The following RPS6KA2 variants were observed in gnomAD, a reference collection of about 807,000 sequenced individuals.
RPS6KA2 encodes the protein ribosomal protein S6 kinase A2, also known as ribosomal protein S6 kinase alpha-2.
Under a neutral mutation model 91.8 loss-of-function variants are expected in RPS6KA2, and 42 were observed. The observed-to-expected ratio is 0.46, with a 90% CI of 0.36 to 0.59. The LOEUF (loss-of-function observed/expected upper bound fraction) is 0.59. RPS6KA2 is among the 20% of genes least tolerant of loss of function. RPS6KA2 has a pLI of 0.00. For missense variants in RPS6KA2, 798 were observed against 978.5 expected (o/e 0.82, Z 2.46); for synonymous variants, 414 against 393.6 (o/e 1.05, Z -0.61).
intron 2 of RPS6KA2, among the ~76,000 whole-genome samples, chr6:166,718,770 G>A (rs913524356): frequency 1.3e-5 from 2 of 152,090 alleles, no homozygotes; most frequent in African/African-American, 2.4e-5. Context: ...CTTTCAGATC[G>A]GTTATGTCTC....
intron 1 of RPS6KA2, among the ~76,000 whole-genome samples, chr6:166,555,930 G>A (rs1784165247): frequency 6.6e-6 from 1 of 152,192 alleles, no homozygotes; most frequent in Non-Finnish European, 1.5e-5. Context: ...GGGTGGAGGT[G>A]ATGGGGAATC....
In RPS6KA2 at chr6:166,437,453, G is replaced by A. The variant is rs1688006013; in HGVS notation, c.1333-4963C>T. Among the ~76,000 whole-genome samples the A allele has an allele frequency of 6.6e-6, 1 of 152,208 alleles. No individual in the cohort carries two copies. The highest frequency in any genetic ancestry group is 1.5e-5 in the Non-Finnish European group (1 of 68,044). ...ATAATGCTGACGCGCCACGGAGTAG[G>A]AGTGGTGTCGTGGGGCGGGGGACAA... is the stretch of plus-strand genomic sequence containing the variant. On this transcript the variant is annotated intron_variant, in intron 14 of 20. Coordinates refer to ENST00000265678, the MANE Select transcript of RPS6KA2 (RefSeq NM_021135.6). The surrounding 1 kb of genome is among the most constrained non-coding windows in gnomAD (Gnocchi z 4.3).
chr6:166,619,623 C>T (rs1051340001), intron 1 of RPS6KA2, among the ~76,000 whole-genome samples: 5 of 152,260 alleles, frequency 3.3e-5, no homozygotes, highest in African/African-American at 1.2e-4. Context: ...CCTGGGCTTC[C>T]TGCCTCCTCC....
At chr6:166,558,064 G>T (rs535529808) in intron 1 of RPS6KA2, among the ~76,000 whole-genome samples, 1 of 151,780 alleles carries the variant, frequency 6.6e-6, no homozygotes, top group Non-Finnish European at 1.5e-5. Flanking sequence ...CTATAGATTT[G>T]TATGTGTATA....
chr6:166,818,054 A>G (rs1361777204), intron 2 of RPS6KA2, among the ~76,000 whole-genome samples: 1 of 152,090 alleles, frequency 6.6e-6, no homozygotes, highest in Non-Finnish European at 1.5e-5. Context: ...ACTTGCAGAT[A>G]TATTGACATT....
chr6:166,510,710 C>CT, intron 3 of RPS6KA2, among the ~76,000 whole-genome samples: 1 of 150,628 alleles, frequency 6.6e-6, no homozygotes, highest in South Asian at 2.1e-4. Context: ...CTTAGCATAA[C>CT]TTTAACACCT....
At chr6:166,458,661 G>T (rs903204159) in intron 12 of RPS6KA2, among the ~76,000 whole-genome samples, 1 of 152,152 alleles carries the variant, frequency 6.6e-6, no homozygotes, top group Admixed American at 6.5e-5. Flanking sequence ...CAGAAGAAAG[G>T]CCACGTGGGG....
chr6:166,576,929 G>A lies in RPS6KA2; in HGVS notation c.100-38145C>T, dbSNP rs1283262863. 2.0e-5 allele frequency among the ~76,000 whole-genome samples: 3 copies of A among 151,032 alleles called. No homozygotes were observed. In the Admixed American group the frequency reaches 2.0e-4, roughly 10 times the overall value. The stretch of plus-strand genomic sequence containing the variant: ...TAGGAGAAAATGGTTTCCTGGGCTG[G>A]GTCCAGGGTCCCAGAGCTGTGTGCA... On this transcript the variant is annotated intron_variant, in intron 1 of 20. Coordinates refer to ENST00000265678, the MANE Select transcript of RPS6KA2 (RefSeq NM_021135.6).
rs574656961 is a variant in RPS6KA2, at chr6:166,445,245, T to G, written c.1332+3479A>C. Among the ~76,000 whole-genome samples the G allele has an allele frequency of 1.5e-4, 22 of 151,332 alleles. No individual in the cohort carries two copies. The South Asian group carries it at 4.5e-3, about 31-fold the overall frequency. ...TCACAGTGGGGTGGGGGTGGGGGGC[T>G]GCCCGCAGCACGTGGGGAACACTGA... On this transcript the variant is annotated intron_variant, in intron 14 of 20. Coordinates refer to ENST00000265678, the MANE Select transcript of RPS6KA2 (RefSeq NM_021135.6). The surrounding 1 kb of genome is among the most constrained non-coding windows in gnomAD (Gnocchi z 4.5).
At chr6:166,627,458 G>T, upstream of RPS6KA2, 1 of 129,814 alleles carries the variant, frequency 7.7e-6, no homozygotes, top group Non-Finnish European at 1.6e-5. Context: ...GGAGAGCCCC[G>T]CCTCTGCCGA....
intron 10 of RPS6KA2, among the ~76,000 whole-genome samples, chr6:166,471,055 C>A (rs1338309911): frequency 2.0e-5 from 3 of 152,166 alleles, no homozygotes; most frequent in Non-Finnish European, 4.4e-5. Context: ...GGGCCCGGCT[C>A]CCCTGTTCTG....
At chr6:166,513,587 G>C in intron 3 of RPS6KA2, among the ~76,000 whole-genome samples, 1 of 152,192 alleles carries the variant, frequency 6.6e-6, no homozygotes. Flanking sequence ...CGCTCCACTG[G>C]GTGAAGGCCT....
rs75110206 is a variant in RPS6KA2, at chr6:166,448,377, C to T, written c.1332+347G>A. On this transcript the variant is annotated intron_variant, in intron 14 of 20. Coordinates refer to ENST00000265678, the MANE Select transcript of RPS6KA2 (RefSeq NM_021135.6). The surrounding 1 kb of genome is among the most constrained non-coding windows in gnomAD (Gnocchi z 4.7). ...AGCTACGAAAGGTGCTCAGTCCCTG[C>T]GTGGTACATATGACTGAAAATATTC... 0.015 allele frequency among the ~76,000 whole-genome samples: 2,223 copies of T among 152,270 alleles called. 52 individuals carry two copies. The highest frequency in any genetic ancestry group is 0.051 in the African/African-American group (2,111 of 41,540).
At chr6:166,566,480 G>A (rs1246255600) in intron 1 of RPS6KA2, among the ~76,000 whole-genome samples, 2 of 152,224 alleles carry the variant, frequency 1.3e-5, no homozygotes, top group Non-Finnish European at 2.9e-5. Context: ...ATCACCAGAG[G>A]TTCTGTCTCC....
Position 166,627,235 on chromosome 6 carries a change from C to A in RPS6KA2, c.-216G>T. 1 of 1,021,948 alleles carries A rather than the reference C, an allele frequency of 9.8e-7. No individual in the cohort carries two copies. Among genetic ancestry groups the A allele is most frequent in the Non-Finnish European group, 1.2e-6 (1 of 854,588 alleles). The allele number at this position is 1,021,948 out of a possible 1,614,324, so 63.3% of individuals were successfully genotyped here. On this transcript the variant is annotated 5_prime_UTR_variant, in exon 1 of 21. Coordinates refer to ENST00000265678, the MANE Select transcript of RPS6KA2 (RefSeq NM_021135.6). Reference sequence around the variant, plus strand: ...ACAATCGCTCCCTCCGCCTCCTTCTCCGCCTCCCCTGCGAGTACCAGCGCC... The same window carrying A: ...ACAATCGCTCCCTCCGCCTCCTTCTACGCCTCCCCTGCGAGTACCAGCGCC...
intron 2 of RPS6KA2, among the ~76,000 whole-genome samples, chr6:166,637,024 T>G (rs1299724060): frequency 6.6e-6 from 1 of 152,122 alleles, no homozygotes; most frequent in African/African-American, 2.4e-5. Context: ...TTCGGCAGCA[T>G]CTGTGCTGAG....
chr6:166,463,307 A>G (rs1583167521), intron 11 of RPS6KA2: 1 of 152,244 alleles, frequency 6.6e-6, no homozygotes, highest in African/African-American at 2.4e-5. Flanking sequence ...GTGAAACAGC[A>G]GCAGCATCTC....
intron 2 of RPS6KA2, among the ~76,000 whole-genome samples, chr6:166,814,181 A>T (rs1476445229): frequency 1.3e-5 from 2 of 152,322 alleles, no homozygotes; most frequent in South Asian, 4.1e-4. Context: ...GTATGTTTCA[A>T]AAAAATTGTC....
At chr6:166,688,787 A>G (rs556367837) in intron 2 of RPS6KA2, among the ~76,000 whole-genome samples, 1 of 152,338 alleles carries the variant, frequency 6.6e-6, no homozygotes, top group African/African-American at 2.4e-5. Flanking sequence ...CCCTCTTTCC[A>G]CACCTTCATG....
Sources: gnomAD v4.1 joint callset for allele counts (sites outside exome capture counted in the v4.1 genomes callset) on GRCh38, gnomAD v4.1.1 for gene constraint, Gnocchi (gnomAD v3.1) non-coding constraint, MANE v1.5 for transcripts, NCBI Gene and HGNC (gene_info 2026-07-23, HGNC 2026-07-21) for gene names.